The following MED23 variants were observed in gnomAD, a reference collection of about 807,000 sequenced individuals.
MED23 encodes mediator of RNA polymerase II transcription subunit 23.
A neutral mutation model predicts 163.9 loss-of-function variants in MED23; 105 were observed. The observed-to-expected ratio is 0.64, with a 90% CI of 0.55 to 0.75. MED23 has a LOEUF of 0.75. Among genes scored for constraint, MED23 ranks in the 30% least tolerant of loss-of-function variants. MED23 has a pLI of 0.00. For synonymous variants in MED23, 561 were observed against 565.6 expected (o/e 0.99, Z 0.12); for missense variants, 1,054 against 1,649.0 (o/e 0.64, Z 6.25).
Position 131,603,327 on chromosome 6 carries a change from A to AT in MED23, c.1757-124dup, listed in dbSNP as rs1338829715. 1.8e-5 allele frequency: 16 copies of AT among 886,470 alleles called. No homozygotes were observed. In the Middle Eastern group the frequency reaches 9.1e-4, roughly 51 times the overall value. The allele number at this position is 886,470 out of a possible 1,614,324, so 54.9% of individuals were successfully genotyped here. ...TGTGAAAATACACACGCCCACACACATATATATTCTCCATATTTTCTTATT... is the reference window on the plus strand; with the variant it reads ...TGTGAAAATACACACGCCCACACACATTATATATTCTCCATATTTTCTTATT... On this transcript the variant is annotated intron_variant, in intron 15 of 28. Transcript: ENST00000368068.
chr6:131,609,671 TTG>T (rs544827405), intron 11 of MED23, among the ~76,000 whole-genome samples: 5 of 146,912 alleles, frequency 3.4e-5, no homozygotes, highest in African/African-American at 5.0e-5. Flanking sequence ...TATAATCATG[TTG>T]TGTGTGTGTG....
At position 131,591,242 on chromosome 6, in the gene MED23, T is replaced by A. The variant is rs1335573572; in HGVS notation, c.3686+71A>T. Reference sequence around the variant, plus strand: ...ATCTGCCCACCTCGGCCTCCCAAAGTGCTGGGATTACAGGCATGAACCACC... The same window carrying A: ...ATCTGCCCACCTCGGCCTCCCAAAGAGCTGGGATTACAGGCATGAACCACC... On this transcript the variant is annotated intron_variant, in intron 26 of 28. Coordinates refer to ENST00000368068, the MANE Select transcript of MED23 (RefSeq NM_004830.4). 3 of 1,210,790 alleles carry A rather than the reference T, an allele frequency of 2.5e-6. No homozygotes were observed. The Admixed American group carries it at 5.1e-5, about 21-fold the overall frequency. 75.0% of individuals were successfully genotyped at this position (1,210,790 alleles called of 1,614,324 possible).
chr6:131,603,050 G>A lies in MED23; in HGVS notation c.1911C>T (p.Asn637=), dbSNP rs1229558190. ...LHTLAAVAQT[N]QNQLHLCVES... is the part of the protein sequence containing the mutation. Reference sequence around the variant, plus strand: ...CTCACCAAAGATGGAGCTGGTTCTGGTTTGTTTGTGCAACTGCAGCCAAAG... The same window carrying A: ...CTCACCAAAGATGGAGCTGGTTCTGATTTGTTTGTGCAACTGCAGCCAAAG... Residue 637 remains asparagine (N), a synonymous_variant, in exon 16 of 29, where the codon AAC becomes AAT. Coordinates refer to ENST00000368068, the MANE Select transcript of MED23 (RefSeq NM_004830.4). 14 of 1,613,756 alleles carry A rather than the reference G, an allele frequency of 8.7e-6. No individual in the cohort carries two copies. Among genetic ancestry groups the A allele is most frequent in the African/African-American group, 4.0e-5 (3 of 74,868 alleles).
intron 30 of MED23, chr6:131,579,527 G>T: frequency 2.7e-6 from 1 of 375,876 alleles, no homozygotes; most frequent in Non-Finnish European, 4.8e-6. Flanking sequence ...AATATGAATG[G>T]ATTTCATCTA....
intron 11 of MED23, among the ~76,000 whole-genome samples, chr6:131,609,733 C>T (rs1776136087): frequency 6.9e-6 from 1 of 144,728 alleles, no homozygotes; most frequent in African/African-American, 2.5e-5. Flanking sequence ...TATACACATA[C>T]ATATATATAT....
chr6:131,583,831 G>C (rs755359126), downstream of MED23: 15 of 1,614,002 alleles, frequency 9.3e-6, no homozygotes, highest in Admixed American at 2.2e-4. Flanking sequence ...CACAGCAGTT[G>C]CAATAACCTT....
At position 131,587,338 on chromosome 6, in the gene MED23, A is replaced by C; in HGVS notation, c.*341T>G. ...AAGACTAAATATGTCATTAATAATA[A>C]AAAATACAAACAAAAACAACGGCTA... On this transcript the variant is annotated 3_prime_UTR_variant, in exon 29 of 29. Coordinates refer to ENST00000368068, the MANE Select transcript of MED23 (RefSeq NM_004830.4). The C allele has an allele frequency of 1.8e-6, 2 of 1,120,728 alleles. No individual in the cohort carries two copies. Among genetic ancestry groups the C allele is most frequent in the Non-Finnish European group, 2.2e-6 (2 of 915,270 alleles). 69.4% of individuals were successfully genotyped at this position (1,120,728 alleles called of 1,614,324 possible).
rs1259559830 is a variant in MED23 at position 131,627,669 on chromosome 6, T to C, written c.43A>G (p.Thr15Ala). The C allele has an allele frequency of 6.3e-7, 1 of 1,594,046 alleles. No individual in the cohort carries two copies. Among genetic ancestry groups the C allele is most frequent in the Non-Finnish European group, 8.5e-7 (1 of 1,175,472 alleles). ...LQSIFEEVVK[T>A]EVIEEAFPGM... ...GGAAAAGCCTCTTCTATAACTTCCG[T>C]TTTCTGTAAAAAAAAAAAAAACAAA... Residue 15 changes from threonine (T) to alanine (A), a missense_variant, in exon 2 of 29, where the codon ACG (threonine) becomes GCG (alanine). Physicochemically the swap from Thr to Ala is moderately conservative, Grantham distance 58 (BLOSUM62 0). Around this residue, in one of 11 missense-constraint regions of MED23, gnomAD observed 227 missense variants for 235.5 expected, o/e 0.96. Coordinates refer to ENST00000368068, the MANE Select transcript of MED23 (RefSeq NM_004830.4).
In MED23 at chr6:131,586,829, T is replaced by C. The variant is rs1774211855; in HGVS notation, c.*850A>G. On this transcript the variant is annotated 3_prime_UTR_variant, in exon 29 of 29. Transcript: ENST00000368068. The stretch of plus-strand genomic sequence containing the variant: ...ATTCCCCCAAAATTAACAATGTCTC[T>C]CAAAATCCAAGAAATAAAATGTGTA... The C allele has an allele frequency of 6.6e-7, 1 of 1,518,548 alleles. No homozygotes were observed. The highest frequency in any genetic ancestry group is 8.9e-7 in the Non-Finnish European group (1 of 1,124,402). The allele number at this position is 1,518,548 out of a possible 1,614,324, so 94.1% of individuals were successfully genotyped here. A position where few individuals can be genotyped will look rare whatever the true frequency, so the allele number is the denominator to read the frequency against.
intron 1 of MED23, 26 bp downstream of exon 1, chr6:131,627,985 C>T (rs770148108): frequency 1.9e-6 from 3 of 1,613,870 alleles, no homozygotes; most frequent in Non-Finnish European, 2.5e-6. Context: ...AAGCCGTAGT[C>T]CTGGATGGCC....
intron 24 of MED23, 134 bp downstream of exon 24, chr6:131,592,872 C>G (rs577701860): frequency 9.4e-7 from 1 of 1,063,436 alleles, no homozygotes; most frequent in East Asian, 2.6e-5. Context: ...AAGACAAGAT[C>G]TGGAACCAGA....
At chr6:131,607,347 C>T (rs1775929697) in intron 12 of MED23, among the ~76,000 whole-genome samples, 1 of 151,926 alleles carries the variant, frequency 6.6e-6, no homozygotes, top group Non-Finnish European at 1.5e-5. Flanking sequence ...GAGTTCAAGA[C>T]CAGCCTGGCC....
At chr6:131,618,369 C>A in intron 9 of MED23, 38 bp downstream of exon 9, 1 of 1,354,442 alleles carries the variant, frequency 7.4e-7, no homozygotes, top group South Asian at 1.2e-5. Flanking sequence ...TGAAGACTGT[C>A]AGATGGACTA....
Position 131,587,280 on chromosome 6 carries a change from T to C in MED23, c.*399A>G. On this transcript the variant is annotated 3_prime_UTR_variant, in exon 29 of 29. Transcript: ENST00000368068. Reference sequence around the variant, plus strand: ...TATAAAATATTTGTAATAACTGTTTTACATGTGTGGTGCCTTTAAAATAAT... The same window carrying C: ...TATAAAATATTTGTAATAACTGTTTCACATGTGTGGTGCCTTTAAAATAAT... The C allele has an allele frequency of 9.5e-7, 1 of 1,048,066 alleles. No individual in the cohort carries two copies. The highest frequency in any genetic ancestry group is 1.2e-6 in the Non-Finnish European group (1 of 857,722). 64.9% of individuals were successfully genotyped at this position (1,048,066 alleles called of 1,614,324 possible).
At chr6:131,582,823 ACACACACATGCC>A, downstream of MED23, 1 of 923,788 alleles carries the variant, frequency 1.1e-6, no homozygotes, top group Non-Finnish European at 1.8e-6. Context: ...AGACACACAC[ACACACACATGCC>A]CACACACATA....
At chr6:131,613,860 T>C (rs1776454488) in intron 10 of MED23, among the ~76,000 whole-genome samples, 3 of 152,178 alleles carry the variant, frequency 2.0e-5, no homozygotes, top group Admixed American at 2.0e-4. Context: ...TGTCAATTTC[T>C]AGTTTGAGAA....
chr6:131,598,273 G>GT lies in MED23; in HGVS notation c.2607+13dup. ...GATCTAAGAGAATAAGCTTAGAAATGTATTTATTCTTACCAGGCAGAGAAT... is the reference window on the plus strand; with the variant it reads ...GATCTAAGAGAATAAGCTTAGAAATGTTATTTATTCTTACCAGGCAGAGAAT... On this transcript the variant is annotated intron_variant, in intron 20 of 28. Coordinates refer to ENST00000368068, the MANE Select transcript of MED23 (RefSeq NM_004830.4). The surrounding 1 kb of genome is among the most constrained non-coding windows in gnomAD (Gnocchi z 4.7). 1 of 1,604,124 alleles carries GT rather than the reference G, an allele frequency of 6.2e-7. No individual in the cohort carries two copies. The highest frequency in any genetic ancestry group is 1.7e-5 in the Admixed American group (1 of 60,012).
intron 26 of MED23, 51 bp from the exon 27 acceptor site, chr6:131,590,493 T>A: frequency 2.8e-6 from 4 of 1,404,024 alleles, no homozygotes; most frequent in Non-Finnish European, 4.0e-6. Flanking sequence ...TTTAAATTGT[T>A]TGAATTTTGT....
intron 22 of MED23, 71 bp from the exon 23 acceptor site, chr6:131,594,406 C>T: frequency 8.6e-7 from 1 of 1,165,698 alleles, no homozygotes; most frequent in Non-Finnish European, 1.3e-6. Flanking sequence ...TGATCAACTG[C>T]TTTCCAGATA....
Sources: gnomAD v4.1 joint callset for allele counts (sites outside exome capture counted in the v4.1 genomes callset) on GRCh38, gnomAD v4.1.1 for gene constraint, gnomAD v4.1.1 regional missense constraint, Gnocchi (gnomAD v3.1) non-coding constraint, MANE v1.5 for transcripts, NCBI Gene and HGNC (gene_info 2026-07-23, HGNC 2026-07-21) for gene names.